The following KANK1 variants were observed in gnomAD, a reference collection of about 807,000 sequenced individuals.
KANK1 encodes KN motif and ankyrin repeat domain-containing protein 1.
In KANK1, 109 loss-of-function variants were observed where a neutral mutation model predicts 106.2. The ratio of observed to expected loss-of-function variants is 1.03; its 90% confidence interval spans 0.88 to 1.20. The LOEUF is 1.20. Ranked by LOEUF, KANK1 falls within the 50% of genes most tolerant of loss-of-function variation. The pLI is 0.00. For missense variants in KANK1, 2,399 were observed against 1,710.7 expected, an observed-to-expected ratio of 1.40 and a Z score of -7.10; for synonymous variants, 873 against 652.2, an observed-to-expected ratio of 1.34 and a Z score of -5.16.
intron 7 of KANK1, among the ~76,000 whole-genome samples, chr9:736,550 T>C (rs972503952): frequency 6.6e-6 from 1 of 151,966 alleles, no homozygotes; most frequent in East Asian, 1.9e-4. Context: ...TCTACAAAAA[T>C]TAGCCAGGTA....
In KANK1 at chr9:641,175, T is replaced by C. The variant is rs545726097; in HGVS notation, c.-83-35715T>C. 2.6e-4 allele frequency among the ~76,000 whole-genome samples: 40 copies of C among 152,334 alleles called. 1 individual carries two copies. The South Asian group carries it at 8.1e-3, about 31-fold the overall frequency. On this transcript the variant is annotated intron_variant, in intron 1 of 11. Transcript: ENST00000382297. ...TCCAGTGTGGGAAGAAGCCCTGTGA[T>C]GGTGAGAAATGCAGTAAGAAACTGG... is the stretch of plus-strand genomic sequence containing the variant.
chr9:639,981 A>C (rs754657282), intron 1 of KANK1, among the ~76,000 whole-genome samples: 1 of 152,168 alleles, frequency 6.6e-6, no homozygotes, highest in Non-Finnish European at 1.5e-5. Flanking sequence ...ACCCATCCTT[A>C]ATGCCATCCC....
intron 1 of KANK1, among the ~76,000 whole-genome samples, chr9:631,893 C>T (rs1033405965): frequency 2.0e-5 from 3 of 152,150 alleles, no homozygotes; most frequent in African/African-American, 4.8e-5. Context: ...CTTCACATAC[C>T]AGTTTGGGTT....
At chr9:487,468 C>CA (rs2058312212) in intron 3 of KANK1, among the ~76,000 whole-genome samples, 1 of 152,198 alleles carries the variant, frequency 6.6e-6, no homozygotes, top group Non-Finnish European at 1.5e-5. Flanking sequence ...TTTCAACTCA[C>CA]AATGTTTTCC....
At chr9:720,717 C>G (rs1309156674) in intron 3 of KANK1, among the ~76,000 whole-genome samples, 1 of 152,166 alleles carries the variant, frequency 6.6e-6, no homozygotes, top group Non-Finnish European at 1.5e-5. Context: ...AATGCAGTCT[C>G]AATCTCCCAG....
At chr9:606,497 AG>A (rs1829205287) in intron 1 of KANK1, among the ~76,000 whole-genome samples, 1 of 148,180 alleles carries the variant, frequency 6.7e-6, no homozygotes, top group Non-Finnish European at 1.5e-5. Flanking sequence ...TGGAGGTTGC[AG>A]TGAGCTGAGA....
chr9:586,380 C>T (rs1055817465), intron 1 of KANK1, among the ~76,000 whole-genome samples: 17 of 152,070 alleles, frequency 1.1e-4, no homozygotes, highest in Non-Finnish European at 1.8e-4. Context: ...TGCAGAGGGT[C>T]CAAGTTAGAG....
chr9:563,638 C>G (rs1005520030), intron 1 of KANK1, among the ~76,000 whole-genome samples: 1 of 152,112 alleles, frequency 6.6e-6, no homozygotes. Flanking sequence ...CGTTTCTTAT[C>G]CTTGGGTGTG....
At chr9:740,244 G>A (rs184949760) in intron 8 of KANK1, among the ~76,000 whole-genome samples, 6 of 152,212 alleles carry the variant, frequency 3.9e-5, no homozygotes, top group Admixed American at 2.6e-4. Flanking sequence ...ATTTGTTCTC[G>A]ACCATAAATT....
intron 2 of KANK1, among the ~76,000 whole-genome samples, chr9:698,113 A>G (rs373959047): frequency 2.6e-5 from 4 of 152,266 alleles, no homozygotes; most frequent in African/African-American, 4.8e-5. Context: ...CTGTTGGCCA[A>G]TTCAGGCCCT....
At chr9:558,298 C>G (rs1378084863) in intron 1 of KANK1, among the ~76,000 whole-genome samples, 3 of 152,176 alleles carry the variant, frequency 2.0e-5, no homozygotes, top group South Asian at 2.1e-4. Flanking sequence ...GAACACCCCA[C>G]TGTTATTATT....
intron 1 of KANK1, among the ~76,000 whole-genome samples, chr9:552,771 G>A (rs976681719): frequency 6.6e-6 from 1 of 152,208 alleles, no homozygotes; most frequent in Admixed American, 6.5e-5. Context: ...TGATCAGGGT[G>A]CTTGTGGTTA....
intron 1 of KANK1, among the ~76,000 whole-genome samples, chr9:573,517 T>G (rs1380064189): frequency 2.6e-5 from 4 of 151,968 alleles, no homozygotes; most frequent in Admixed American, 6.6e-5. Context: ...TGATCCGCCC[T>G]CCTCGGCCTC....
intron 1 of KANK1, among the ~76,000 whole-genome samples, chr9:571,953 C>A (rs1278518384): frequency 6.6e-6 from 1 of 152,082 alleles, no homozygotes; most frequent in Admixed American, 6.6e-5. Context: ...TCCCAGGTTA[C>A]TTGTGGGTGT....
At chr9:706,082 C>T (rs1049150715) in intron 2 of KANK1, among the ~76,000 whole-genome samples, 3 of 151,860 alleles carry the variant, frequency 2.0e-5, no homozygotes, top group South Asian at 2.1e-4. Flanking sequence ...ATAATGACAC[C>T]GGGTAGTTTT....
intron 1 of KANK1, among the ~76,000 whole-genome samples, chr9:508,761 T>A (rs2058892811): frequency 6.8e-6 from 1 of 146,374 alleles, no homozygotes; most frequent in Admixed American, 6.6e-5. Flanking sequence ...AATATTCAAT[T>A]GTATGACTAC....
At chr9:475,705 G>C (rs955361248) in intron 3 of KANK1, among the ~76,000 whole-genome samples, 3 of 151,944 alleles carry the variant, frequency 2.0e-5, no homozygotes, top group Non-Finnish European at 4.4e-5. Context: ...ATGTCTCTTT[G>C]GCATATTTTG....
intron 1 of KANK1, among the ~76,000 whole-genome samples, chr9:598,206 T>C (rs949096144): frequency 6.6e-6 from 1 of 151,778 alleles, no homozygotes; most frequent in Non-Finnish European, 1.5e-5. Flanking sequence ...GGACTCTTTT[T>C]TCTATTGGTC....
At position 735,347 on chromosome 9, in the gene KANK1, G is replaced by T. The variant is rs553706747; in HGVS notation, c.3333+512G>T. 4.6e-5 allele frequency among the ~76,000 whole-genome samples: 7 copies of T among 152,136 alleles called. No homozygotes were observed. The South Asian group carries it at 8.3e-4, about 18-fold the overall frequency. Reference sequence around the variant, plus strand: ...TAAAAATAACCGCACTTGTCATCTCGCAGTCTAAGAAATTCAGAGCAAACA... The same window carrying T: ...TAAAAATAACCGCACTTGTCATCTCTCAGTCTAAGAAATTCAGAGCAAACA... On this transcript the variant is annotated intron_variant, in intron 7 of 11. Coordinates refer to ENST00000382297, the MANE Select transcript of KANK1 (RefSeq NM_015158.5).
Sources: gnomAD v4.1 joint callset for allele counts (sites outside exome capture counted in the v4.1 genomes callset) on GRCh38, gnomAD v4.1.1 for gene constraint, MANE v1.5 for transcripts, NCBI Gene and HGNC (gene_info 2026-07-23, HGNC 2026-07-21) for gene names.